The following CMTM4 variants were observed in gnomAD, a reference collection of about 807,000 sequenced individuals.
CMTM4 encodes the protein CKLF like MARVEL transmembrane domain containing 4, also known as CKLF-like MARVEL transmembrane domain-containing protein 4.
Under a neutral mutation model 19.0 loss-of-function variants are expected in CMTM4, and 8 were observed. The observed-to-expected ratio is 0.42, with a 90% CI of 0.25 to 0.76. The LOEUF is 0.76. CMTM4 is among the 30% of genes least tolerant of loss of function. CMTM4 has a pLI of 0.27. For synonymous variants in CMTM4, 106 were observed against 121.1 expected (o/e 0.88, Z 0.82); for missense variants, 228 against 290.2 (o/e 0.79, Z 1.56).
intron 1 of CMTM4, among the ~76,000 whole-genome samples, chr16:66,656,815 A>G (rs2016406011): frequency 6.6e-6 from 1 of 152,050 alleles, no homozygotes; most frequent in African/African-American, 2.4e-5. Context: ...ACTACCACAA[A>G]ATAACCAGAA....
intron 2 of CMTM4, among the ~76,000 whole-genome samples, chr16:66,629,003 GT>G (rs1051060884): frequency 6.6e-6 from 1 of 151,776 alleles, no homozygotes; most frequent in Non-Finnish European, 1.5e-5. Flanking sequence ...AGTTTTTGGG[GT>G]TTTTTTGTTG....
intron 1 of CMTM4, among the ~76,000 whole-genome samples, chr16:66,677,209 C>A (rs1160860685): frequency 6.6e-6 from 1 of 152,064 alleles, no homozygotes; most frequent in Admixed American, 6.6e-5. Flanking sequence ...TATACTCTAG[C>A]CTGGGAAACA....
chr16:66,653,635 C>T (rs2016350097), intron 1 of CMTM4, among the ~76,000 whole-genome samples: 2 of 152,180 alleles, frequency 1.3e-5, no homozygotes, highest in Non-Finnish European at 2.9e-5. Context: ...TTTGCTGAGC[C>T]CTTCTACTAT....
At chr16:66,694,055 A>G (rs2017185496) in intron 1 of CMTM4, among the ~76,000 whole-genome samples, 1 of 151,930 alleles carries the variant, frequency 6.6e-6, no homozygotes. Context: ...GTGAGAAGAA[A>G]GAGAGAGGGA....
intron 1 of CMTM4, among the ~76,000 whole-genome samples, chr16:66,680,788 A>AC (rs1255354001): frequency 1.2e-4 from 18 of 150,250 alleles, no homozygotes; most frequent in Non-Finnish European, 1.6e-4. Flanking sequence ...AAAAAAAAAA[A>AC]AAAAAAAAAA....
At chr16:66,679,095 T>C (rs916831015) in intron 1 of CMTM4, among the ~76,000 whole-genome samples, 4 of 144,408 alleles carry the variant, frequency 2.8e-5, no homozygotes, top group Non-Finnish European at 4.5e-5. Flanking sequence ...CAAGACTCCA[T>C]CTAAAAAAAA....
chr16:66,639,026 AAT>A (rs1198433998), intron 1 of CMTM4, among the ~76,000 whole-genome samples: 1 of 152,172 alleles, frequency 6.6e-6, no homozygotes, highest in Non-Finnish European at 1.5e-5. Flanking sequence ...GTACACAGTA[AAT>A]ATAGAGATTT....
the CMTM4 span, among the ~76,000 whole-genome samples, chr16:66,606,205 T>TCACTCCCACCCCC: frequency 2.6e-5 from 4 of 151,828 alleles, no homozygotes; most frequent in African/African-American, 9.7e-5. Context: ...CCTAGTCCCC[T>TCACTCCCACCCCC]CACTCCCACC....
intron 1 of CMTM4, among the ~76,000 whole-genome samples, chr16:66,689,366 CAA>C (rs888594479): frequency 6.6e-6 from 1 of 151,988 alleles, no homozygotes; most frequent in Non-Finnish European, 1.5e-5. Flanking sequence ...TGAATTTTGT[CAA>C]AAGTTTTTTT....
At chr16:66,664,172 G>A (rs1268959990) in intron 1 of CMTM4, among the ~76,000 whole-genome samples, 1 of 151,548 alleles carries the variant, frequency 6.6e-6, no homozygotes, top group Non-Finnish European at 1.5e-5. Flanking sequence ...GGCAGAGGTT[G>A]CAGTGAGCCA....
chr16:66,610,103 T>C (rs1042775455), downstream of CMTM4: 18 of 1,453,230 alleles, frequency 1.2e-5, no homozygotes, highest in Non-Finnish European at 1.6e-5. The surrounding 1 kb of genome is among the most constrained non-coding windows in gnomAD (Gnocchi z 4.6). Context: ...TCATTTCCTC[T>C]CTCCCCATGG....
Position 66,620,124 on chromosome 16 carries a change from T to G in CMTM4, c.*1934A>C. On this transcript the variant is annotated 3_prime_UTR_variant, in exon 4 of 4. Coordinates refer to ENST00000394106, the MANE Select transcript of CMTM4 (RefSeq NM_181521.3). ...GGCCTTTTTTGGGGGCCAAGTAACATGATTCCCAGCAGGAGATTTCTGATA... is the reference window on the plus strand; with the variant it reads ...GGCCTTTTTTGGGGGCCAAGTAACAGGATTCCCAGCAGGAGATTTCTGATA... 2.0e-6 allele frequency: 2 copies of G among 985,412 alleles called. No homozygotes were observed. Among genetic ancestry groups the G allele is most frequent in the South Asian group, 4.7e-5 (1 of 21,288 alleles). 61.0% of individuals were successfully genotyped at this position (985,412 alleles called of 1,614,324 possible).
At chr16:66,629,134 A>C (rs908144107) in intron 2 of CMTM4, among the ~76,000 whole-genome samples, 4 of 152,230 alleles carry the variant, frequency 2.6e-5, no homozygotes, top group Admixed American at 2.6e-4. Context: ...GCCATGAAAC[A>C]AATCAAGGCT....
the CMTM4 span, chr16:66,604,372 G>A: frequency 6.4e-6 from 1 of 156,140 alleles, no homozygotes; most frequent in Non-Finnish European, 1.4e-5. Context: ...ATCACGGCCG[G>A]GGTCTTTGCT....
chr16:66,613,048 G>A (rs1457536112), downstream of CMTM4: 2 of 702,992 alleles, frequency 2.8e-6, no homozygotes, highest in Non-Finnish European at 5.2e-6. Flanking sequence ...ACCATGACAG[G>A]GCTGCCCCGC....
At chr16:66,612,052 G>A (rs554082580), downstream of CMTM4, among the ~76,000 whole-genome samples, 1 of 152,284 alleles carries the variant, frequency 6.6e-6, no homozygotes, top group African/African-American at 2.4e-5. This position sits in a 1 kb window ranked among gnomAD's most constrained non-coding sequence, Gnocchi z 6.0. Flanking sequence ...CTGAGGAAGG[G>A]GCACCTGGGC....
intron 1 of CMTM4, among the ~76,000 whole-genome samples, chr16:66,683,147 G>GTATATATATATATACATATA (rs1336410232): frequency 4.1e-5 from 4 of 96,422 alleles, no homozygotes; most frequent in Non-Finnish European, 6.2e-5. Flanking sequence ...ATATATATAT[G>GTATATATATATATACATATA]TATATATATA....
At chr16:66,627,636 T>C (rs1010955862) in intron 2 of CMTM4, among the ~76,000 whole-genome samples, 1 of 151,724 alleles carries the variant, frequency 6.6e-6, no homozygotes, top group Admixed American at 6.6e-5. Context: ...TTCTGGACAT[T>C]TTTTTTTTCC....
In CMTM4 at chr16:66,620,330, G is replaced by A; in HGVS notation, c.*1728C>T. On this transcript the variant is annotated 3_prime_UTR_variant, in exon 4 of 4. Coordinates refer to ENST00000394106, the MANE Select transcript of CMTM4 (RefSeq NM_181521.3). ...TGGCCTGGCTGCCCTCTCTGTGGGA[G>A]CAGAGGGGAGACGAGTTGTTAACAG... 1.0e-6 allele frequency: 1 copy of A among 985,482 alleles called. No individual in the cohort carries two copies. Among genetic ancestry groups the A allele is most frequent in the Non-Finnish European group, 1.2e-6 (1 of 829,950 alleles). 61.0% of individuals were successfully genotyped at this position (985,482 alleles called of 1,614,324 possible). A position where few individuals can be genotyped will look rare whatever the true frequency, so the allele number is the denominator to read the frequency against.
Sources: allele counts gnomAD v4.1 joint callset (sites outside exome capture counted in the v4.1 genomes callset), GRCh38; gene constraint gnomAD v4.1.1; non-coding constraint Gnocchi (gnomAD v3.1); transcripts MANE v1.5; gene names NCBI Gene and HGNC (gene_info 2026-07-23, HGNC 2026-07-21).